The following STK3 variants were observed in gnomAD, a reference collection of about 807,000 sequenced individuals.
The protein encoded by STK3 is serine/threonine kinase 3.
A neutral mutation model predicts 58.0 loss-of-function variants in STK3; 41 were observed. That is an observed-to-expected ratio of 0.71 (90% confidence interval 0.55 to 0.92). The LOEUF (loss-of-function observed/expected upper bound fraction) is 0.92, where lower values mean the gene tolerates loss of function less well. STK3 is among the 40% of genes least tolerant of loss of function. The pLI is 0.00. For synonymous variants in STK3, 170 were observed against 191.0 expected (o/e 0.89, Z 0.91); for missense variants, 479 against 602.7 (o/e 0.79, Z 2.15).
intron 3 of STK3, among the ~76,000 whole-genome samples, chr8:98,754,155 T>C (rs1830147021): frequency 6.6e-6 from 1 of 152,244 alleles, no homozygotes; most frequent in African/African-American, 2.4e-5. Flanking sequence ...ATTGAAAGTA[T>C]GTATTTGGAG....
chr8:98,479,487 G>GGGGC (rs1821659940), intron 10 of STK3, among the ~76,000 whole-genome samples: 1 of 8,686 alleles, frequency 1.2e-4, no homozygotes, highest in Non-Finnish European at 3.0e-4. Flanking sequence ...ACTCCGTCTC[G>GGGGC]GGGGGGGGGG....
intron 1 of STK3, among the ~76,000 whole-genome samples, chr8:98,823,690 T>C (rs1211994030): frequency 2.0e-5 from 3 of 152,224 alleles, no homozygotes; most frequent in East Asian, 1.9e-4. Flanking sequence ...TTATCTTTTG[T>C]TGTTTTTGTT....
chr8:98,746,996 C>CACA (rs1829683399), intron 4 of STK3, among the ~76,000 whole-genome samples: 1 of 150,800 alleles, frequency 6.6e-6, no homozygotes, highest in African/African-American at 2.4e-5. Flanking sequence ...GAACTGTGAT[C>CACA]ACACCACTGC....
At chr8:98,888,700 G>A (rs2131916743) in intron 1 of STK3, among the ~76,000 whole-genome samples, 1 of 152,330 alleles carries the variant, frequency 6.6e-6, no homozygotes, top group South Asian at 2.1e-4. Flanking sequence ...TTATTGAGAA[G>A]TTAGGTTAGA....
At chr8:98,627,664 T>C (rs867799998) in intron 6 of STK3, among the ~76,000 whole-genome samples, 1 of 152,254 alleles carries the variant, frequency 6.6e-6, no homozygotes, top group Middle Eastern at 3.4e-3. Flanking sequence ...CATGCTTGTA[T>C]GACCTGTAGA....
intron 10 of STK3, among the ~76,000 whole-genome samples, chr8:98,507,501 CTCAA>C: frequency 6.6e-6 from 1 of 152,340 alleles, no homozygotes; most frequent in South Asian, 2.1e-4. Context: ...CCTTGCCCCA[CTCAA>C]TCAATTCTGA....
chr8:98,873,053 G>A (rs1837438097), intron 3 of STK3, among the ~76,000 whole-genome samples: 1 of 152,086 alleles, frequency 6.6e-6, no homozygotes, highest in South Asian at 2.1e-4. Flanking sequence ...TGTTCTTGTT[G>A]GTTTCAAAGA....
chr8:98,614,357 A>G (rs144957615), intron 6 of STK3, among the ~76,000 whole-genome samples: 4 of 152,260 alleles, frequency 2.6e-5, no homozygotes, highest in African/African-American at 9.6e-5. Flanking sequence ...TTAGAAATCA[A>G]TAACAGAGAC....
chr8:98,375,260 C>A (rs71506323), intron 2 of STK3, among the ~76,000 whole-genome samples: 87,516 of 127,168 alleles, frequency 0.69, 27,253 homozygotes, highest in Non-Finnish European at 0.73. Flanking sequence ...GTTTCCAAAA[C>A]AAAAAAAAAA....
intron 1 of STK3, among the ~76,000 whole-genome samples, chr8:98,896,586 C>T (rs535005893): frequency 1.3e-5 from 2 of 152,180 alleles, no homozygotes; most frequent in Admixed American, 6.5e-5. Context: ...TATTACCTGC[C>T]TCTGTTATCT....
chr8:98,664,433 T>G lies in STK3; in HGVS notation c.684+42034A>C, dbSNP rs957276773. 2.6e-5 allele frequency among the ~76,000 whole-genome samples: 4 copies of G among 152,190 alleles called. No individual in the cohort carries two copies. In the South Asian group the frequency reaches 8.3e-4, roughly 32 times the overall value. ...TCTGTGAGAATTTAAAGATTATAAT[T>G]TATGTAGAATTGTTTGCTAAGCTTG... On this transcript the variant is annotated intron_variant, in intron 6 of 10. Coordinates refer to ENST00000419617, the MANE Select transcript of STK3 (RefSeq NM_006281.4).
At chr8:98,536,938 T>C (rs1809815029) in intron 9 of STK3, among the ~76,000 whole-genome samples, 1 of 152,212 alleles carries the variant, frequency 6.6e-6, no homozygotes, top group Non-Finnish European at 1.5e-5. Flanking sequence ...AGATACATTA[T>C]AGTTTTAAAG....
chr8:98,747,015 C>T (rs1327244993), intron 4 of STK3, among the ~76,000 whole-genome samples: 1 of 150,270 alleles, frequency 6.7e-6, no homozygotes, highest in African/African-American at 2.5e-5. Context: ...GCATTCTAGC[C>T]TGGGCAAAAG....
rs1341195494 is a variant in STK3, at chr8:98,871,123, T to C, written c.110+12524A>G. Among the ~76,000 whole-genome samples the C allele has an allele frequency of 2.6e-5, 4 of 152,234 alleles. No individual in the cohort carries two copies. The South Asian group carries it at 6.2e-4, about 24-fold the overall frequency. On this transcript the variant is annotated intron_variant, in intron 3 of 12. Transcript: ENST00000523601. ...GGAATCCTTTCCCCATTTCTTGTTT[T>C]TGTCATGTTTGTCAAAGATCAGATG...
At chr8:98,431,870 A>T (rs1371725079) in intron 3 of STK3, 1 of 167,064 alleles carries the variant, frequency 6.0e-6, no homozygotes, top group Non-Finnish European at 1.5e-5. Flanking sequence ...CTTATATAAA[A>T]TATTATCTTG....
chr8:98,846,822 G>A (rs1040772491), intron 3 of STK3, among the ~76,000 whole-genome samples: 4 of 151,072 alleles, frequency 2.6e-5, no homozygotes, highest in African/African-American at 9.8e-5. Context: ...AGATAGAGTT[G>A]ATGTCCGTTT....
intron 6 of STK3, among the ~76,000 whole-genome samples, chr8:98,648,344 T>C (rs919521817): frequency 1.3e-5 from 2 of 152,216 alleles, no homozygotes; most frequent in African/African-American, 4.8e-5. Context: ...ATGTATCAAA[T>C]GTATTCAACT....
At chr8:98,360,902 T>C in the STK3 span, among the ~76,000 whole-genome samples, 1 of 152,136 alleles carries the variant, frequency 6.6e-6, no homozygotes, top group Non-Finnish European at 1.5e-5. Context: ...CAAATAAAGA[T>C]CATGGATTGC....
chr8:98,345,797 A>G, the STK3 span, among the ~76,000 whole-genome samples: 1 of 152,112 alleles, frequency 6.6e-6, no homozygotes, highest in Non-Finnish European at 1.5e-5. Flanking sequence ...AAAGTTAAAT[A>G]GAAATGTGGA....
Sources: gnomAD v4.1 joint callset for allele counts (sites outside exome capture counted in the v4.1 genomes callset) on GRCh38, gnomAD v4.1.1 for gene constraint, MANE v1.5 for transcripts, NCBI Gene and HGNC (gene_info 2026-07-23, HGNC 2026-07-21) for gene names.